CSMD3: variants seen among roughly 807,000 people sequenced by gnomAD.
CSMD3 encodes the protein CUB and sushi domain-containing protein 3.
Under a neutral mutation model 435.2 loss-of-function variants are expected in CSMD3, and 177 were observed. The observed-to-expected ratio is 0.41, with a 90% CI of 0.36 to 0.46. The LOEUF is 0.46. Ranked by LOEUF, CSMD3 falls within the 20% of genes least tolerant of loss-of-function variation. The pLI is 0.34. For synonymous variants in CSMD3, 1,656 were observed against 1,520.5 expected, an observed-to-expected ratio of 1.09 and a Z score of -2.07; for missense variants, 4,265 against 4,504.6, an observed-to-expected ratio of 0.95 and a Z score of 1.52.
chr8:113,257,716 T>C (rs1398457744), intron 3 of CSMD3, among the ~76,000 whole-genome samples: 2 of 152,218 alleles, frequency 1.3e-5, no homozygotes, highest in Admixed American at 6.5e-5. Context: ...GATAATAACT[T>C]TCTGCAATGA....
chr8:112,960,109 A>G (rs902845928), intron 7 of CSMD3, among the ~76,000 whole-genome samples: 3 of 151,832 alleles, frequency 2.0e-5, no homozygotes, highest in Non-Finnish European at 3.0e-5. Context: ...TTAACTGTAT[A>G]AAGATGACTT....
chr8:113,126,482 C>T, intron 4 of CSMD3, among the ~76,000 whole-genome samples: 1 of 151,576 alleles, frequency 6.6e-6, no homozygotes, highest in East Asian at 1.9e-4. Context: ...ATAGTAATTG[C>T]AAATAAATAT....
intron 4 of CSMD3, among the ~76,000 whole-genome samples, chr8:113,151,486 A>G (rs1180238641): frequency 6.6e-6 from 1 of 151,968 alleles, no homozygotes; most frequent in African/African-American, 2.4e-5. Context: ...AGAATAATAT[A>G]AACAATAGGA....
intron 14 of CSMD3, among the ~76,000 whole-genome samples, chr8:112,685,933 T>C (rs1247875908): frequency 6.6e-6 from 1 of 151,572 alleles, no homozygotes; most frequent in Non-Finnish European, 1.5e-5. Context: ...CTTAAGGCTC[T>C]ACCCTTAAAT....
chr8:113,379,181 T>C (rs1247149528), intron 1 of CSMD3, among the ~76,000 whole-genome samples: 1 of 152,108 alleles, frequency 6.6e-6, no homozygotes, highest in African/African-American at 2.4e-5. Context: ...TAAATTATAA[T>C]GAACATGAAC....
chr8:112,642,842 A>G (rs2074871432), intron 20 of CSMD3, among the ~76,000 whole-genome samples: 1 of 152,192 alleles, frequency 6.6e-6, no homozygotes, highest in Non-Finnish European at 1.5e-5. Flanking sequence ...TAGTATTATA[A>G]CATGGCAGCA....
chr8:113,226,288 T>C (rs1452875203), intron 3 of CSMD3, among the ~76,000 whole-genome samples: 1 of 151,598 alleles, frequency 6.6e-6, no homozygotes, highest in African/African-American at 2.4e-5. Flanking sequence ...ATATTAAAAA[T>C]ATTACATGGA....
intron 1 of CSMD3, among the ~76,000 whole-genome samples, chr8:113,408,739 C>A (rs1754092298): frequency 6.6e-6 from 1 of 151,322 alleles, no homozygotes; most frequent in South Asian, 2.1e-4. Flanking sequence ...CTCACTGCAA[C>A]CTCTCCCTCC....
intron 11 of CSMD3, among the ~76,000 whole-genome samples, chr8:112,845,932 G>A (rs559577759): frequency 6.6e-6 from 1 of 151,872 alleles, no homozygotes; most frequent in Non-Finnish European, 1.5e-5. Context: ...TTAAGGATAA[G>A]GTCACTAGCA....
chr8:113,202,888 C>A (rs1366058583), intron 3 of CSMD3, among the ~76,000 whole-genome samples: 2 of 152,094 alleles, frequency 1.3e-5, no homozygotes, highest in African/African-American at 4.8e-5. Context: ...AAAATCAATA[C>A]ATTTTTCACC....
At chr8:113,419,617 C>T (rs1443540951) in intron 1 of CSMD3, among the ~76,000 whole-genome samples, 1 of 152,078 alleles carries the variant, frequency 6.6e-6, no homozygotes, top group Non-Finnish European at 1.5e-5. Flanking sequence ...GCTCTCAATT[C>T]TTTACTTGGG....
At chr8:112,726,108 G>T (rs565459339) in intron 13 of CSMD3, among the ~76,000 whole-genome samples, 93 of 152,038 alleles carry the variant, frequency 6.1e-4, no homozygotes, top group African/African-American at 2.1e-3. Context: ...TAAACCATCA[G>T]ATCTCTTGAG....
intron 13 of CSMD3, among the ~76,000 whole-genome samples, chr8:112,697,698 T>C (rs928619136): frequency 1.3e-5 from 2 of 151,926 alleles, no homozygotes; most frequent in South Asian, 2.1e-4. Flanking sequence ...GTAACAAACG[T>C]TGTGCACATG....
At chr8:112,989,652 C>T (rs2134841) in intron 6 of CSMD3, among the ~76,000 whole-genome samples, 1 of 151,802 alleles carries the variant, frequency 6.6e-6, no homozygotes, top group Non-Finnish European at 1.5e-5. Flanking sequence ...TAGGTGTGAC[C>T]CTACTAAGAG....
chr8:112,459,050 A>C (rs1817158276), intron 32 of CSMD3, among the ~76,000 whole-genome samples: 1 of 151,886 alleles, frequency 6.6e-6, no homozygotes, highest in South Asian at 2.1e-4. Flanking sequence ...TAATCCCCTC[A>C]TTGTTTCTCA....
chr8:112,787,620 C>G (rs971949485), intron 13 of CSMD3, among the ~76,000 whole-genome samples: 1 of 152,096 alleles, frequency 6.6e-6, no homozygotes, highest in Non-Finnish European at 1.5e-5. Context: ...AAAAGGTGAG[C>G]TCCTGTCATT....
intron 13 of CSMD3, among the ~76,000 whole-genome samples, chr8:112,787,787 G>A (rs2132275206): frequency 6.6e-6 from 1 of 152,240 alleles, no homozygotes; most frequent in Middle Eastern, 3.4e-3. Flanking sequence ...ACCAGAGGCT[G>A]GGAATGAAAG....
chr8:113,289,240 C>A (rs2093667361), intron 2 of CSMD3, among the ~76,000 whole-genome samples: 1 of 151,788 alleles, frequency 6.6e-6, no homozygotes, highest in African/African-American at 2.4e-5. Flanking sequence ...GATGACAGAT[C>A]TGAGAATTAG....
chr8:112,714,508 C>G (rs1442387932), intron 13 of CSMD3, among the ~76,000 whole-genome samples: 2 of 152,142 alleles, frequency 1.3e-5, no homozygotes, highest in Non-Finnish European at 2.9e-5. Flanking sequence ...CAATATTAGA[C>G]AGTTCAACAA....
Sources: allele counts gnomAD v4.1 joint callset (sites outside exome capture counted in the v4.1 genomes callset), GRCh38; gene constraint gnomAD v4.1.1; transcripts MANE v1.5; gene names NCBI Gene and HGNC (gene_info 2026-07-23, HGNC 2026-07-21).